TBC1D22A: variants seen among roughly 807,000 people sequenced by gnomAD.
TBC1D22A encodes the protein TBC1 domain family member 22A, also known as putative GTPase activator.
A neutral mutation model predicts 60.2 loss-of-function variants in TBC1D22A; 38 were observed. That is an observed-to-expected ratio of 0.63 (90% CI 0.49 to 0.83). The LOEUF (loss-of-function observed/expected upper bound fraction) is 0.83, where lower values mean the gene tolerates loss of function less well. Among genes scored for constraint, TBC1D22A ranks in the 40% least tolerant of loss-of-function variants. The probability of loss-of-function intolerance (pLI) is 0.00; values close to 1 mark genes in which losing one functional copy is unlikely to be tolerated. For missense variants in TBC1D22A, 628 were observed against 701.0 expected, an observed-to-expected ratio of 0.90 and a Z score of 1.18; for synonymous variants, 302 against 281.7, an observed-to-expected ratio of 1.07 and a Z score of -0.72.
intron 9 of TBC1D22A, among the ~76,000 whole-genome samples, chr22:46,991,358 A>G (rs2074932552): frequency 6.6e-6 from 1 of 152,124 alleles, no homozygotes; most frequent in African/African-American, 2.4e-5. Flanking sequence ...GATCCGTTTA[A>G]CCAGTGCCTC....
intron 4 of TBC1D22A, among the ~76,000 whole-genome samples, chr22:46,798,911 G>T (rs1021996671): frequency 1.8e-4 from 27 of 152,348 alleles, no homozygotes; most frequent in African/African-American, 6.5e-4. Flanking sequence ...GGCAGAAGCA[G>T]CGGTTCAAAG....
intron 4 of TBC1D22A, among the ~76,000 whole-genome samples, chr22:46,836,696 A>T (rs1169872386): frequency 6.6e-6 from 1 of 152,174 alleles, no homozygotes. Context: ...GACTGAATAG[A>T]TTAAAAAAAC....
At chr22:46,956,175 C>T (rs1490060653) in intron 8 of TBC1D22A, among the ~76,000 whole-genome samples, 2 of 152,088 alleles carry the variant, frequency 1.3e-5, no homozygotes, top group African/African-American at 4.8e-5. Context: ...CTGTTGAAGT[C>T]CTAACCCCTA....
rs188488071 is a variant in TBC1D22A, at chr22:46,894,273, C to T, written c.838-511C>T. 7.6e-4 allele frequency among the ~76,000 whole-genome samples: 116 copies of T among 152,264 alleles called. 1 individual carries two copies. Among genetic ancestry groups the T allele is most frequent in the African/African-American group, 2.6e-3 (108 of 41,552 alleles). On this transcript the variant is annotated intron_variant, in intron 6 of 12. Coordinates refer to ENST00000337137, the MANE Select transcript of TBC1D22A (RefSeq NM_014346.5). ...ACTTTATTATGACTCTGATGTCAGA[C>T]GGTGGCCAAGCAGGAACCAGCTGAC...
intron 11 of TBC1D22A, among the ~76,000 whole-genome samples, chr22:47,051,742 C>G (rs1211105827): frequency 1.3e-5 from 2 of 152,226 alleles, no homozygotes; most frequent in Non-Finnish European, 2.9e-5. Flanking sequence ...CTGCTCCTCT[C>G]CAGCTCCCCT....
intron 8 of TBC1D22A, among the ~76,000 whole-genome samples, chr22:46,967,466 C>T (rs2073856821): frequency 2.0e-5 from 3 of 152,178 alleles, no homozygotes; most frequent in Admixed American, 2.0e-4. Flanking sequence ...TTTTGATTAC[C>T]AGTTAAGCTC....
chr22:46,877,428 G>C (rs2067617656), intron 4 of TBC1D22A, among the ~76,000 whole-genome samples: 1 of 152,174 alleles, frequency 6.6e-6, no homozygotes, highest in South Asian at 2.1e-4. Context: ...CAGAAAACCA[G>C]AGTTATGCCG....
At chr22:46,889,204 C>T (rs1036259404) in intron 5 of TBC1D22A, among the ~76,000 whole-genome samples, 7 of 152,188 alleles carry the variant, frequency 4.6e-5, no homozygotes, top group South Asian at 2.1e-4. Flanking sequence ...AGTGAGAAGA[C>T]GACACACAAC....
intron 9 of TBC1D22A, among the ~76,000 whole-genome samples, chr22:46,989,653 A>G (rs2074859212): frequency 6.6e-6 from 1 of 152,078 alleles, no homozygotes; most frequent in African/African-American, 2.4e-5. Flanking sequence ...GTGGTACCCT[A>G]AAACAATTAT....
At chr22:47,053,392 C>A (rs529017308) in intron 11 of TBC1D22A, among the ~76,000 whole-genome samples, 1 of 152,300 alleles carries the variant, frequency 6.6e-6, no homozygotes, top group African/African-American at 2.4e-5. Context: ...GTAGGGCACC[C>A]CCTCCTCTGG....
intron 12 of TBC1D22A, among the ~76,000 whole-genome samples, chr22:47,130,079 G>A (rs189216168): frequency 1.2e-4 from 19 of 152,306 alleles, no homozygotes; most frequent in East Asian, 9.7e-4. Flanking sequence ...CTGTGTCAGC[G>A]TCACTGCCGC....
intron 4 of TBC1D22A, among the ~76,000 whole-genome samples, chr22:46,824,127 A>G (rs949643801): frequency 5.3e-5 from 8 of 152,336 alleles, no homozygotes; most frequent in South Asian, 2.1e-4. Flanking sequence ...AAAACTGTCA[A>G]TGAGATAACT....
Position 47,009,225 on chromosome 22 carries a change from C to T in TBC1D22A, c.1201+11516C>T, listed in dbSNP as rs535551880. ...CTTAAGTCTCATGCAGTGTTAGTAC[C>T]CATTATTGTCATTATCATCACCATC... On this transcript the variant is annotated intron_variant, in intron 10 of 12. Coordinates refer to ENST00000337137, the MANE Select transcript of TBC1D22A (RefSeq NM_014346.5). This position sits in a 1 kb window ranked among gnomAD's most constrained non-coding sequence, Gnocchi z 5.8. 6.6e-6 allele frequency among the ~76,000 whole-genome samples: 1 copy of T among 152,204 alleles called. No individual in the cohort carries two copies. The highest frequency in any genetic ancestry group is 2.4e-5 in the African/African-American group (1 of 41,496).
At chr22:47,127,335 C>G (rs1213401404) in intron 12 of TBC1D22A, among the ~76,000 whole-genome samples, 1 of 149,048 alleles carries the variant, frequency 6.7e-6, no homozygotes, top group Non-Finnish European at 1.5e-5. Flanking sequence ...TCAAGCTATT[C>G]TCCTGCCTCA....
At chr22:47,099,989 G>T (rs1445350447) in intron 11 of TBC1D22A, among the ~76,000 whole-genome samples, 1 of 152,220 alleles carries the variant, frequency 6.6e-6, no homozygotes, top group Non-Finnish European at 1.5e-5. Flanking sequence ...GGCGGCCTGG[G>T]GCTGTGTGGA....
At chr22:47,117,131 A>G (rs1335573238) in intron 12 of TBC1D22A, 3 of 154,344 alleles carry the variant, frequency 1.9e-5, no homozygotes, top group African/African-American at 4.8e-5. Context: ...TGCAATGTGA[A>G]GTGATTTGGT....
At chr22:47,153,442 G>A (rs2067582885) in intron 12 of TBC1D22A, among the ~76,000 whole-genome samples, 1 of 152,088 alleles carries the variant, frequency 6.6e-6, no homozygotes, top group Non-Finnish European at 1.5e-5. Context: ...TCCAAGCAGA[G>A]GAAACAGCAT....
chr22:46,972,376 C>G (rs924622480), intron 8 of TBC1D22A, among the ~76,000 whole-genome samples: 14 of 152,206 alleles, frequency 9.2e-5, no homozygotes, highest in Non-Finnish European at 1.9e-4. Context: ...TCCACATTAC[C>G]CCTTGGTGGA....
At chr22:47,027,455 A>G (rs2062294993) in intron 10 of TBC1D22A, among the ~76,000 whole-genome samples, 1 of 152,096 alleles carries the variant, frequency 6.6e-6, no homozygotes, top group South Asian at 2.1e-4. Flanking sequence ...TACTGAACCC[A>G]TTTCGGGGTC....
Sources: gnomAD v4.1 joint callset for allele counts (sites outside exome capture counted in the v4.1 genomes callset) on GRCh38, gnomAD v4.1.1 for gene constraint, Gnocchi (gnomAD v3.1) non-coding constraint, MANE v1.5 for transcripts, NCBI Gene and HGNC (gene_info 2026-07-23, HGNC 2026-07-21) for gene names.